The following DLGAP1 variants were observed in gnomAD, a reference collection of about 807,000 sequenced individuals.
DLGAP1 encodes the protein DLG associated protein 1, also known as disks large-associated protein 1.
DLGAP1 carries 11 observed loss-of-function variants against 90.8 expected under a neutral mutation model. The ratio of observed to expected loss-of-function variants is 0.12; its 90% CI spans 0.08 to 0.20. The LOEUF is 0.20. Among genes scored for constraint, DLGAP1 ranks in the 10% least tolerant of loss-of-function variants. The probability of loss-of-function intolerance (pLI) is 1.00; values close to 1 mark genes in which losing one functional copy is unlikely to be tolerated. For synonymous variants in DLGAP1, 558 were observed against 540.7 expected, an observed-to-expected ratio of 1.03 and a Z score of -0.44; for missense variants, 1,050 against 1,333.8, an observed-to-expected ratio of 0.79 and a Z score of 3.31.
chr18:3,874,816 G>A (rs747504301), intron 4 of DLGAP1: 249 of 1,364,400 alleles, frequency 1.8e-4, no homozygotes, highest in Non-Finnish European at 2.2e-4. Flanking sequence ...GAAAAAAAAG[G>A]AGTCCCTTTT....
chr18:4,388,346 T>C (rs2082276776), intron 1 of DLGAP1, among the ~76,000 whole-genome samples: 1 of 152,072 alleles, frequency 6.6e-6, no homozygotes, highest in Non-Finnish European at 1.5e-5. Context: ...GTTTTGCACA[T>C]GTGCCTGTGG....
intron 5 of DLGAP1, among the ~76,000 whole-genome samples, chr18:3,760,205 G>T (rs917372136): frequency 6.6e-6 from 1 of 152,094 alleles, no homozygotes; most frequent in African/African-American, 2.4e-5. Flanking sequence ...GTGAAGCCTG[G>T]CCAAGACATT....
At chr18:3,958,596 G>A (rs1486895727) in intron 3 of DLGAP1, among the ~76,000 whole-genome samples, 2 of 144,836 alleles carry the variant, frequency 1.4e-5, no homozygotes, top group African/African-American at 5.2e-5. Context: ...AGAAACAGAA[G>A]GCCTTAGAGA....
intron 1 of DLGAP1, among the ~76,000 whole-genome samples, chr18:4,248,363 A>T (rs1300127173): frequency 6.6e-6 from 1 of 152,172 alleles, no homozygotes; most frequent in Admixed American, 6.5e-5. Flanking sequence ...AACATTTTTG[A>T]AGACTTTACT....
chr18:4,229,440 T>C (rs1482357586), intron 1 of DLGAP1, among the ~76,000 whole-genome samples: 3 of 152,020 alleles, frequency 2.0e-5, no homozygotes, highest in African/African-American at 7.2e-5. Context: ...TGCAGAGCTA[T>C]AGTAACCAAA....
intron 2 of DLGAP1, among the ~76,000 whole-genome samples, chr18:4,071,528 T>G (rs1212064188): frequency 1.3e-5 from 2 of 152,170 alleles, no homozygotes; most frequent in Admixed American, 6.5e-5. Context: ...TCTCCCACAG[T>G]TCCCAAGAAA....
At chr18:3,895,527 G>A (rs1016851945) in intron 3 of DLGAP1, among the ~76,000 whole-genome samples, 3 of 152,140 alleles carry the variant, frequency 2.0e-5, no homozygotes, top group Admixed American at 1.3e-4. Flanking sequence ...ATGTCCCAAC[G>A]CATAGATGCA....
rs533812844 is a variant in DLGAP1 at position 4,150,419 on chromosome 18, C to A, written c.-159+761G>T. Among the ~76,000 whole-genome samples, 6 of 151,974 alleles carry A rather than the reference C, an allele frequency of 3.9e-5. No homozygotes were observed. The South Asian group carries it at 1.2e-3, about 32-fold the overall frequency. On this transcript the variant is annotated intron_variant, in intron 2 of 12. Transcript: ENST00000315677. The stretch of plus-strand genomic sequence containing the variant: ...CTTTTCTTTTTTTTTGAGATGGAGT[C>A]TCTCTCTGTCACCCTGGCTGGAGTG...
chr18:3,734,530 A>C (rs2147529570), intron 6 of DLGAP1, among the ~76,000 whole-genome samples: 1 of 152,254 alleles, frequency 6.6e-6, no homozygotes, highest in East Asian at 1.9e-4. Flanking sequence ...AGCAGTTTAC[A>C]GTCCAAACAG....
chr18:4,015,763 C>CT (rs1427411952), intron 2 of DLGAP1, among the ~76,000 whole-genome samples: 5 of 152,116 alleles, frequency 3.3e-5, no homozygotes, highest in Non-Finnish European at 5.9e-5. Flanking sequence ...TTTGCTTCGG[C>CT]TTTTAGGAAT....
chr18:3,780,667 C>T (rs1251765929), intron 5 of DLGAP1, among the ~76,000 whole-genome samples: 1 of 152,210 alleles, frequency 6.6e-6, no homozygotes, highest in African/African-American at 2.4e-5. Context: ...CTTAATTCTT[C>T]CTTGCCATGT....
intron 1 of DLGAP1, among the ~76,000 whole-genome samples, chr18:4,347,620 C>T (rs2081323713): frequency 2.0e-5 from 3 of 151,888 alleles, no homozygotes; most frequent in Admixed American, 2.0e-4. Flanking sequence ...ATTCAACATT[C>T]ACTCATTATA....
intron 3 of DLGAP1, chr18:3,995,735 A>C (rs202225058): frequency 4.6e-5 from 7 of 151,624 alleles, no homozygotes; most frequent in South Asian, 4.2e-4. Context: ...AAAAAAAAAA[A>C]CCACCAAGAT....
At chr18:4,156,772 TG>T (rs2076763306) in intron 1 of DLGAP1, among the ~76,000 whole-genome samples, 1 of 152,212 alleles carries the variant, frequency 6.6e-6, no homozygotes, top group Non-Finnish European at 1.5e-5. Context: ...ACACAGATCT[TG>T]CTTTTTTTAC....
chr18:3,635,717 A>C (rs1326682465), intron 7 of DLGAP1, among the ~76,000 whole-genome samples: 3 of 151,516 alleles, frequency 2.0e-5, no homozygotes, highest in Non-Finnish European at 4.4e-5. Context: ...TCTAATCTTC[A>C]AAAAGAAAGA....
chr18:3,623,748 G>T (rs1172826484), intron 7 of DLGAP1, among the ~76,000 whole-genome samples: 3 of 130,772 alleles, frequency 2.3e-5, no homozygotes, highest in Non-Finnish European at 4.6e-5. Context: ...CTGCACCCCA[G>T]CCTGAGAGAC....
At chr18:3,602,517 C>T (rs1017949710) in intron 7 of DLGAP1, among the ~76,000 whole-genome samples, 4 of 149,866 alleles carry the variant, frequency 2.7e-5, no homozygotes, top group Non-Finnish European at 4.4e-5. Flanking sequence ...ATGGCGTGAA[C>T]CCGGGAGGCG....
Position 4,137,871 on chromosome 18 carries a change from T to G in DLGAP1, c.-159+13309A>C, listed in dbSNP as rs568681816. Among the ~76,000 whole-genome samples, 7 of 152,142 alleles carry G rather than the reference T, an allele frequency of 4.6e-5. No homozygotes were observed. The South Asian group carries it at 1.4e-3, about 32-fold the overall frequency. The stretch of plus-strand genomic sequence containing the variant: ...TTGGTTATTTCCTAGGTGTTTACTG[T>G]CACTTGCAACAGGGATTACTTTTCT... On this transcript the variant is annotated intron_variant, in intron 2 of 12. Coordinates refer to ENST00000315677, the MANE Select transcript of DLGAP1 (RefSeq NM_004746.4).
At chr18:4,409,550 G>A (rs2615864) in intron 1 of DLGAP1, among the ~76,000 whole-genome samples, 65,796 of 151,988 alleles carry the variant, frequency 0.43, 15,491 homozygotes, top group East Asian at 0.61. Context: ...AACGACTTTA[G>A]TTATTTCTGT....
Sources: gnomAD v4.1 joint callset for allele counts (sites outside exome capture counted in the v4.1 genomes callset) on GRCh38, gnomAD v4.1.1 for gene constraint, MANE v1.5 for transcripts, NCBI Gene and HGNC (gene_info 2026-07-23, HGNC 2026-07-21) for gene names.